Variants in SNRNP200 observed in about 807,000 individuals in gnomAD.
SNRNP200 encodes the protein small nuclear ribonucleoprotein U5 subunit 200.
Under a neutral mutation model 255.2 loss-of-function variants are expected in SNRNP200, and 66 were observed. The observed-to-expected ratio is 0.26, with a 90% confidence interval of 0.21 to 0.32. The LOEUF (loss-of-function observed/expected upper bound fraction) is 0.32, where lower values mean the gene tolerates loss of function less well. SNRNP200 is among the 10% of genes least tolerant of loss of function. The pLI is 1.00. For missense variants in SNRNP200, 1,585 were observed against 2,749.8 expected, an observed-to-expected ratio of 0.58 and a Z score of 9.47; for synonymous variants, 939 against 1,027.8, an observed-to-expected ratio of 0.91 and a Z score of 1.65.
chr2:96,291,305 C>T lies in SNRNP200; in HGVS notation c.2421+87G>A. The stretch of plus-strand genomic sequence containing the variant: ...TAGCTGGGCCAGAAGCAATAAAGTA[C>T]CAGGAGCAAACATGGCACAAACTTG... On this transcript the variant is annotated intron_variant, in intron 18 of 44. Coordinates refer to ENST00000323853, the MANE Select transcript of SNRNP200 (RefSeq NM_014014.5). The surrounding 1 kb of genome is among the most constrained non-coding windows in gnomAD (Gnocchi z 4.2). 1.2e-6 allele frequency: 1 copy of T among 839,430 alleles called. No homozygotes were observed. The highest frequency in any genetic ancestry group is 1.3e-5 in the South Asian group (1 of 75,740). The allele number at this position is 839,430 out of a possible 1,614,324, so 52.0% of individuals were successfully genotyped here.
At chr2:96,302,828 G>A (rs771107047) in intron 3 of SNRNP200, among the ~76,000 whole-genome samples, 1 of 152,182 alleles carries the variant, frequency 6.6e-6, no homozygotes, top group Non-Finnish European at 1.5e-5. Context: ...GACAACAGAT[G>A]GAAGAGGTAC....
At chr2:96,296,806 T>C in intron 12 of SNRNP200, 115 bp from the exon 13 acceptor site, 3 of 1,545,326 alleles carry the variant, frequency 1.9e-6, no homozygotes, top group Non-Finnish European at 2.7e-6. Flanking sequence ...CACTTTATCC[T>C]ACTATTTAAC....
intron 24 of SNRNP200, among the ~76,000 whole-genome samples, 187 bp downstream of exon 24, chr2:96,288,476 G>A (rs757264473): frequency 2.6e-5 from 4 of 152,112 alleles, no homozygotes; most frequent in South Asian, 2.1e-4. Context: ...CCTTTCCCAC[G>A]TGCTCAAGAT....
intron 4 of SNRNP200, 30 bp from the exon 5 acceptor site, chr2:96,301,083 G>A (rs774328232): frequency 6.3e-7 from 1 of 1,599,832 alleles, no homozygotes; most frequent in Non-Finnish European, 8.6e-7. Context: ...GAAAAAGAGG[G>A]CAGTGAATGG....
Position 96,286,776 on chromosome 2 carries a change from CT to C in SNRNP200, c.3740del (p.Gln1247ArgfsTer43). 1 of 1,614,206 alleles carries C rather than the reference CT, an allele frequency of 6.2e-7. No homozygotes were observed. Among genetic ancestry groups the C allele is most frequent in the Non-Finnish European group, 8.5e-7 (1 of 1,180,044 alleles). On this transcript the variant is annotated frameshift_variant, in exon 28 of 45. Coordinates refer to ENST00000323853, the MANE Select transcript of SNRNP200 (RefSeq NM_014014.5). LOFTEE classifies it high-confidence loss of function. The surrounding 1 kb of genome is among the most constrained non-coding windows in gnomAD (Gnocchi z 4.8). ...CGAAGAATGTAATGAGGTGCTCGTC[CT>C]GGGCGTACTTGGCCTTGAGGAGAAA... ...EYFLLKAKYA[Q>X]DEHLITFFVP...
Position 96,284,590 on chromosome 2 carries a change from C to A in SNRNP200, c.4165-5G>T. The A allele has an allele frequency of 1.2e-6, 2 of 1,607,630 alleles. No individual in the cohort carries two copies. Among genetic ancestry groups the A allele is most frequent in the South Asian group, 1.1e-5 (1 of 90,950 alleles). Reference sequence around the variant, plus strand: ...CTCGTACCAGTCCATGTATACCTGGCGGGCAGAGGAGGGAGGCAGAACAAC... The same window carrying A: ...CTCGTACCAGTCCATGTATACCTGGAGGGCAGAGGAGGGAGGCAGAACAAC... On this transcript the variant is annotated splice_region_variant and splice_polypyrimidine_tract_variant and intron_variant, in intron 30 of 44. Coordinates refer to ENST00000323853, the MANE Select transcript of SNRNP200 (RefSeq NM_014014.5).
At chr2:96,295,315 C>T (rs2063910043) in intron 14 of SNRNP200, among the ~76,000 whole-genome samples, 173 bp downstream of exon 14, 1 of 152,236 alleles carries the variant, frequency 6.6e-6, no homozygotes, top group Non-Finnish European at 1.5e-5. Context: ...GCTTCTAAGA[C>T]AGGACCTCTG....
At chr2:96,297,287 C>T (rs1174006805) in intron 11 of SNRNP200, 76 bp downstream of exon 11, 1 of 1,582,186 alleles carries the variant, frequency 6.3e-7, no homozygotes, top group South Asian at 1.1e-5. Flanking sequence ...TGAAACAAGG[C>T]TACATTTTGG....
At chr2:96,288,922 T>A in intron 23 of SNRNP200, 115 bp downstream of exon 23, 1 of 1,104,772 alleles carries the variant, frequency 9.1e-7, no homozygotes, top group Non-Finnish European at 1.4e-6. Context: ...CTGCAAAAAC[T>A]AGGAGAACTG....
At chr2:96,300,531 G>A (rs2063945754) in intron 5 of SNRNP200, among the ~76,000 whole-genome samples, 1 of 152,144 alleles carries the variant, frequency 6.6e-6, no homozygotes, top group Non-Finnish European at 1.5e-5. Context: ...GAGGCCGACG[G>A]GGGGCGGATC....
Position 96,283,447 on chromosome 2 carries a change from TA to T in SNRNP200, c.4763+87del, listed in dbSNP as rs530571398. The T allele has an allele frequency of 2.7e-4, 429 of 1,612,652 alleles. 6 individuals carry two copies. The South Asian group carries it at 4.5e-3, about 17-fold the overall frequency. On this transcript the variant is annotated intron_variant, in intron 33 of 44. Transcript: ENST00000323853. This position sits in a 1 kb window ranked among gnomAD's most constrained non-coding sequence, Gnocchi z 4.7. Reference sequence around the variant, plus strand: ...GAACCTGGCCCCAAGCAACATGGGCTAACCCCACCCTCATAAAGAGGACACC... The same window carrying T: ...GAACCTGGCCCCAAGCAACATGGGCTACCCCACCCTCATAAAGAGGACACC...
intron 43 of SNRNP200, 177 bp downstream of exon 43, chr2:96,276,727 G>GT: frequency 1.3e-6 from 1 of 767,834 alleles, no homozygotes; most frequent in Non-Finnish European, 2.3e-6. Context: ...GCCCTAAACT[G>GT]TTTAAGCAGA....
intron 35 of SNRNP200, among the ~76,000 whole-genome samples, chr2:96,280,934 C>T (rs895285962): frequency 6.7e-6 from 1 of 149,212 alleles, no homozygotes; most frequent in African/African-American, 2.5e-5. Flanking sequence ...CTCACTGCAA[C>T]CTCTGCCTCC....
rs759028244 is a variant in SNRNP200 at position 96,295,470 on chromosome 2, C to T, written c.1842+18G>A. 16 of 1,613,104 alleles carry T rather than the reference C, an allele frequency of 9.9e-6. No individual in the cohort carries two copies. The highest frequency in any genetic ancestry group is 4.5e-5 in the East Asian group (2 of 44,886). ...TGACACAACTGGACTCTATATTCTA[C>T]GACTGCTCCCAACTCACCAGAATGA... On this transcript the variant is annotated intron_variant, in intron 14 of 44. Transcript: ENST00000323853.
chr2:96,296,287 T>A (rs2063916221), intron 13 of SNRNP200, among the ~76,000 whole-genome samples: 1 of 152,080 alleles, frequency 6.6e-6, no homozygotes, highest in Admixed American at 6.5e-5. Context: ...CTGCAGAAAA[T>A]TGCCATGGAG....
At chr2:96,294,975 C>G (rs2063907583) in intron 14 of SNRNP200, among the ~76,000 whole-genome samples, 1 of 152,142 alleles carries the variant, frequency 6.6e-6, no homozygotes, top group Non-Finnish European at 1.5e-5. Flanking sequence ...CTTTGGGAGG[C>G]TGAGGTGGGT....
chr2:96,289,396 C>T lies in SNRNP200; in HGVS notation c.2941-17G>A. 6.2e-7 allele frequency: 1 copy of T among 1,613,328 alleles called. No individual in the cohort carries two copies. Among genetic ancestry groups the T allele is most frequent in the Non-Finnish European group, 8.5e-7 (1 of 1,179,686 alleles). ...TTCTGTCACCTGGAGAGAAGGTAGA[C>T]TCAATCCAGTGCTGACTATTAATGA... On this transcript the variant is annotated splice_polypyrimidine_tract_variant and intron_variant, in intron 21 of 44. Transcript: ENST00000323853.
At chr2:96,300,940 T>A (rs2063948711) in intron 5 of SNRNP200, 58 bp downstream of exon 5, 1 of 1,399,958 alleles carries the variant, frequency 7.1e-7, no homozygotes, top group Non-Finnish European at 1.0e-6. Flanking sequence ...CTAGAAGGGG[T>A]CCCTTTACCT....
Position 96,297,675 on chromosome 2 carries a change from T to C in SNRNP200, c.1165A>G (p.Thr389Ala). Residue 389 changes from threonine (T) to alanine (A), a missense_variant, in exon 10 of 45, where the codon ACA becomes GCA. Thr to Ala is a moderately conservative substitution (Grantham distance 58, BLOSUM62 0). Around this residue, in one of 9 missense-constraint regions of SNRNP200, gnomAD observed 383 missense variants for 645.3 expected, o/e 0.59. Transcript: ENST00000323853. ...RERVRQSRMD[T>A]DLETMDLDQG... ...TCGAGATCCATGGTTTCCAGATCTG[T>C]GTCCATTCGAGACTGACGCACTCGC... 6.2e-7 allele frequency: 1 copy of C among 1,614,256 alleles called. No individual in the cohort carries two copies. Among genetic ancestry groups the C allele is most frequent in the Non-Finnish European group, 8.5e-7 (1 of 1,180,040 alleles).
Sources: allele counts gnomAD v4.1 joint callset (sites outside exome capture counted in the v4.1 genomes callset), GRCh38; gene constraint gnomAD v4.1.1; regional missense constraint gnomAD v4.1.1; non-coding constraint Gnocchi (gnomAD v3.1); transcripts MANE v1.5; gene names NCBI Gene and HGNC (gene_info 2026-07-23, HGNC 2026-07-21).